Variants in TMOD1 observed in about 807,000 individuals in gnomAD.
TMOD1 encodes tropomodulin 1, also known as tropomodulin-1.
TMOD1 carries 17 observed loss-of-function variants against 40.6 expected under a neutral mutation model. That is an observed-to-expected ratio of 0.42 (90% CI 0.29 to 0.63). TMOD1 has a LOEUF of 0.63. Among genes scored for constraint, TMOD1 ranks in the 20% least tolerant of loss-of-function variants. The pLI is 0.22. For missense variants in TMOD1, 391 were observed against 447.6 expected, an observed-to-expected ratio of 0.87 and a Z score of 1.14; for synonymous variants, 181 against 175.0, an observed-to-expected ratio of 1.03 and a Z score of -0.27.
intron 9 of TMOD1, among the ~76,000 whole-genome samples, chr9:97,593,535 T>A (rs1220075290): frequency 6.6e-6 from 1 of 152,040 alleles, no homozygotes; most frequent in Non-Finnish European, 1.5e-5. Flanking sequence ...GGGCAACTTT[T>A]GTGTGCCTAG....
At chr9:97,559,468 TAA>T (rs879654498) in intron 4 of TMOD1, among the ~76,000 whole-genome samples, 1 of 143,572 alleles carries the variant, frequency 7.0e-6, no homozygotes. Context: ...TGAGGAGGTT[TAA>T]AAAAAAAAAA....
intron 8 of TMOD1, among the ~76,000 whole-genome samples, chr9:97,571,960 C>T (rs1830824959): frequency 6.6e-6 from 1 of 152,156 alleles, no homozygotes; most frequent in South Asian, 2.1e-4. Context: ...GGCTCCAGGT[C>T]CACCCTCCAG....
intron 2 of TMOD1, among the ~76,000 whole-genome samples, chr9:97,524,910 A>G (rs1469866364): frequency 6.6e-6 from 1 of 152,046 alleles, no homozygotes; most frequent in East Asian, 1.9e-4. Flanking sequence ...TACTGATTCA[A>G]ATATTGGTCT....
At chr9:97,597,946 CAG>C (rs1304004040) in intron 9 of TMOD1, among the ~76,000 whole-genome samples, 2 of 152,030 alleles carry the variant, frequency 1.3e-5, no homozygotes, top group African/African-American at 4.8e-5. Context: ...CTGTGAGAAT[CAG>C]ATGCGATATG....
At chr9:97,505,796 C>T (rs909129330) in intron 1 of TMOD1, among the ~76,000 whole-genome samples, 3 of 152,270 alleles carry the variant, frequency 2.0e-5, no homozygotes, top group African/African-American at 7.2e-5. Flanking sequence ...CTCTTACATC[C>T]ATTTCTATCG....
At chr9:97,541,563 T>C (rs1830276292) in intron 2 of TMOD1, among the ~76,000 whole-genome samples, 1 of 152,050 alleles carries the variant, frequency 6.6e-6, no homozygotes, top group African/African-American at 2.4e-5. Flanking sequence ...TTGATCAGGC[T>C]GGAGTCTAGC....
chr9:97,530,651 C>T (rs372731724), intron 2 of TMOD1, among the ~76,000 whole-genome samples: 1 of 151,916 alleles, frequency 6.6e-6, no homozygotes, highest in Non-Finnish European at 1.5e-5. Flanking sequence ...CCATGCCTGG[C>T]TAATTGTTTT....
chr9:97,529,210 A>T (rs1830061968), intron 2 of TMOD1, among the ~76,000 whole-genome samples: 1 of 152,136 alleles, frequency 6.6e-6, no homozygotes, highest in African/African-American at 2.4e-5. Flanking sequence ...TCTGGGAAAG[A>T]GCCTGAGGTG....
chr9:97,591,259 ATTT>A, intron 8 of TMOD1, 29 bp from the exon 9 acceptor site: 1 of 1,565,588 alleles, frequency 6.4e-7, no homozygotes. Context: ...TGGTGATTTT[ATTT>A]TTTATTTTTT....
At position 97,502,027 on chromosome 9, in the gene TMOD1, C is replaced by A. The variant is rs1465914704; in HGVS notation, c.-49+224C>A. 6.6e-6 allele frequency among the ~76,000 whole-genome samples: 1 copy of A among 152,132 alleles called. No individual in the cohort carries two copies. Among genetic ancestry groups the A allele is most frequent in the East Asian group, 1.9e-4 (1 of 5,174 alleles). On this transcript the variant is annotated intron_variant, in intron 1 of 9. Transcript: ENST00000259365. This position sits in a 1 kb window ranked among gnomAD's most constrained non-coding sequence, Gnocchi z 6.1. ...CCCAGCGCTCCCGTCCCCGCCTCCC[C>A]GCGCGCGCAGCCCTGGCCAGGGCGC...
At chr9:97,506,593 C>T (rs560569226) in intron 1 of TMOD1, among the ~76,000 whole-genome samples, 6 of 152,216 alleles carry the variant, frequency 3.9e-5, no homozygotes, top group Non-Finnish European at 7.3e-5. Flanking sequence ...CTCCTATCAG[C>T]CCCATCATGA....
intron 1 of TMOD1, among the ~76,000 whole-genome samples, chr9:97,506,399 A>T (rs1829591928): frequency 6.6e-6 from 1 of 152,242 alleles, no homozygotes; most frequent in African/African-American, 2.4e-5. Context: ...TCAGGTTTTA[A>T]TAAATGGCTG....
intron 3 of TMOD1, among the ~76,000 whole-genome samples, chr9:97,548,942 C>A (rs1830408697): frequency 6.6e-6 from 1 of 152,178 alleles, no homozygotes; most frequent in Non-Finnish European, 1.5e-5. Flanking sequence ...CCAGCCTCTA[C>A]CAAGCACTTC....
In TMOD1 at chr9:97,581,048, G is replaced by C. The variant is rs1293497765; in HGVS notation, c.871-10243G>C. Among the ~76,000 whole-genome samples, 5 of 145,686 alleles carry C rather than the reference G, an allele frequency of 3.4e-5. No homozygotes were observed. The South Asian group carries it at 6.5e-4, about 19-fold the overall frequency. On this transcript the variant is annotated intron_variant, in intron 8 of 9. Transcript: ENST00000259365. ...TAGGGTACATGTGCACATTGTGCAGGTTAGTTACATATGTATACATGTGCC... is the reference window on the plus strand; with the variant it reads ...TAGGGTACATGTGCACATTGTGCAGCTTAGTTACATATGTATACATGTGCC...
intron 9 of TMOD1, among the ~76,000 whole-genome samples, chr9:97,593,293 T>G (rs1274178563): frequency 6.6e-6 from 1 of 152,160 alleles, no homozygotes; most frequent in Non-Finnish European, 1.5e-5. Flanking sequence ...CAAAATGGCC[T>G]TTGAAAACTC....
At chr9:97,561,975 T>A (rs2131264213) in intron 4 of TMOD1, among the ~76,000 whole-genome samples, 1 of 152,318 alleles carries the variant, frequency 6.6e-6, no homozygotes, top group East Asian at 1.9e-4. Flanking sequence ...TTTCATTGTG[T>A]GGGAACTTGC....
intron 2 of TMOD1, among the ~76,000 whole-genome samples, chr9:97,534,602 G>A (rs910447214): frequency 6.6e-6 from 1 of 152,208 alleles, no homozygotes; most frequent in Non-Finnish European, 1.5e-5. Flanking sequence ...ATACCATCCT[G>A]TTCCCAGCTG....
chr9:97,519,534 T>C (rs1052860019), intron 1 of TMOD1, among the ~76,000 whole-genome samples: 3 of 152,214 alleles, frequency 2.0e-5, no homozygotes, highest in African/African-American at 7.2e-5. Context: ...CCCCAGCGGC[T>C]TCATCACCCC....
chr9:97,574,202 T>C (rs527516137), intron 8 of TMOD1, among the ~76,000 whole-genome samples: 1 of 152,110 alleles, frequency 6.6e-6, no homozygotes, highest in East Asian at 1.9e-4. Flanking sequence ...TCCCTCAGCT[T>C]GCGGGGAGGT....
Sources: allele counts gnomAD v4.1 joint callset (sites outside exome capture counted in the v4.1 genomes callset), GRCh38; gene constraint gnomAD v4.1.1; non-coding constraint Gnocchi (gnomAD v3.1); transcripts MANE v1.5; gene names NCBI Gene and HGNC (gene_info 2026-07-23, HGNC 2026-07-21).